Variants in ZSWIM6 observed in about 807,000 individuals in gnomAD.
ZSWIM6 encodes the protein zinc finger SWIM-type containing 6.
A neutral mutation model predicts 113.2 loss-of-function variants in ZSWIM6; 9 were observed. That is an observed-to-expected ratio of 0.08 (90% CI 0.05 to 0.14). The LOEUF (loss-of-function observed/expected upper bound fraction) is 0.14. Among genes scored for constraint, ZSWIM6 ranks in the 10% least tolerant of loss-of-function variants. The pLI is 1.00. For synonymous variants in ZSWIM6, 611 were observed against 606.5 expected, an observed-to-expected ratio of 1.01 and a Z score of -0.11; for missense variants, 1,162 against 1,552.2, an observed-to-expected ratio of 0.75 and a Z score of 4.22.
intron 1 of ZSWIM6, among the ~76,000 whole-genome samples, chr5:61,418,512 G>A (rs1162736985): frequency 2.0e-5 from 3 of 152,032 alleles, no homozygotes; most frequent in African/African-American, 7.2e-5. Context: ...ACCAGCCTCG[G>A]CCTCCCAAAG....
chr5:61,364,410 A>C (rs1184961967), intron 1 of ZSWIM6, among the ~76,000 whole-genome samples: 1 of 152,242 alleles, frequency 6.6e-6, no homozygotes, highest in African/African-American at 2.4e-5. Context: ...GCAAACTAAG[A>C]ATGTTTTTTA....
intron 9 of ZSWIM6, among the ~76,000 whole-genome samples, chr5:61,533,688 T>G (rs976651374): frequency 1.3e-5 from 2 of 152,132 alleles, no homozygotes; most frequent in Non-Finnish European, 2.9e-5. Flanking sequence ...GGGGAAACAG[T>G]GAAAGAAAAT....
At chr5:61,339,990 T>C (rs1032593213) in intron 1 of ZSWIM6, among the ~76,000 whole-genome samples, 2 of 152,212 alleles carry the variant, frequency 1.3e-5, no homozygotes, top group East Asian at 3.8e-4. Flanking sequence ...AAGAGACGTT[T>C]TGTTTGTCAA....
chr5:61,418,394 AG>A (rs1213171348), intron 1 of ZSWIM6, among the ~76,000 whole-genome samples: 1 of 151,926 alleles, frequency 6.6e-6, no homozygotes, highest in East Asian at 1.9e-4. Flanking sequence ...CAGCGTCCGA[AG>A]TAGTTGGGAT....
intron 9 of ZSWIM6, among the ~76,000 whole-genome samples, chr5:61,535,019 C>G (rs144724422): frequency 1.0e-3 from 158 of 152,286 alleles, no homozygotes; most frequent in African/African-American, 3.6e-3. Flanking sequence ...ACCCCTGATA[C>G]AGAGCACCAT....
At chr5:61,449,184 A>G (rs181387573) in intron 1 of ZSWIM6, among the ~76,000 whole-genome samples, 2 of 152,318 alleles carry the variant, frequency 1.3e-5, no homozygotes, top group Non-Finnish European at 2.9e-5. Context: ...CCACTATTTT[A>G]TAATTACATT....
chr5:61,478,117 A>G (rs1274639756), intron 2 of ZSWIM6, among the ~76,000 whole-genome samples: 1 of 152,176 alleles, frequency 6.6e-6, no homozygotes, highest in Non-Finnish European at 1.5e-5. Context: ...TTTCTATTGT[A>G]TAATAGAACA....
At chr5:61,404,046 C>T (rs895592929) in intron 1 of ZSWIM6, among the ~76,000 whole-genome samples, 7 of 151,416 alleles carry the variant, frequency 4.6e-5, no homozygotes, top group East Asian at 3.9e-4. Flanking sequence ...CTCGCTCTGC[C>T]GCCCAGGCTG....
chr5:61,335,701 C>CT (rs775617368), intron 1 of ZSWIM6, among the ~76,000 whole-genome samples: 1 of 152,118 alleles, frequency 6.6e-6, no homozygotes, highest in Non-Finnish European at 1.5e-5. Flanking sequence ...GTAGAGATGA[C>CT]TAAATTATAG....
At chr5:61,440,559 A>G (rs531458599) in intron 1 of ZSWIM6, among the ~76,000 whole-genome samples, 4 of 152,300 alleles carry the variant, frequency 2.6e-5, no homozygotes, top group East Asian at 3.9e-4. Context: ...CATTTAACTT[A>G]CTTCTTGGCC....
At position 61,431,564 on chromosome 5, in the gene ZSWIM6, T is replaced by C. The variant is rs185478674; in HGVS notation, c.677-41117T>C. Among the ~76,000 whole-genome samples the C allele has an allele frequency of 2.2e-3, 334 of 150,856 alleles. 1 individual carries two copies. The highest frequency in any genetic ancestry group is 7.5e-3 in the African/African-American group (306 of 41,054). On this transcript the variant is annotated intron_variant, in intron 1 of 13. Coordinates refer to ENST00000252744, the MANE Select transcript of ZSWIM6 (RefSeq NM_020928.2). Reference sequence around the variant, plus strand: ...ATAGAGACCATCCTGGCTAATGCGGTGAAACACTGTCTCTACTAAAAATAA... The same window carrying C: ...ATAGAGACCATCCTGGCTAATGCGGCGAAACACTGTCTCTACTAAAAATAA...
At chr5:61,433,193 A>G (rs1390101721) in intron 1 of ZSWIM6, among the ~76,000 whole-genome samples, 1 of 152,218 alleles carries the variant, frequency 6.6e-6, no homozygotes, top group Non-Finnish European at 1.5e-5. Flanking sequence ...TTGGCTTACT[A>G]CCTTTCATTC....
chr5:61,335,423 C>T (rs1579936548), intron 1 of ZSWIM6, among the ~76,000 whole-genome samples: 1 of 152,206 alleles, frequency 6.6e-6, no homozygotes, highest in African/African-American at 2.4e-5. Context: ...AGAGATAGAA[C>T]ACTTATGATC....
intron 4 of ZSWIM6, among the ~76,000 whole-genome samples, chr5:61,506,983 G>A (rs1748639542): frequency 6.6e-6 from 1 of 152,144 alleles, no homozygotes; most frequent in Admixed American, 6.6e-5. Context: ...AACTTTCCCT[G>A]TAATAACCTT....
intron 1 of ZSWIM6, among the ~76,000 whole-genome samples, chr5:61,454,214 A>AATTTTGTTTT (rs1554035871): frequency 1.6e-4 from 21 of 128,500 alleles, no homozygotes; most frequent in African/African-American, 6.2e-4. Context: ...GAGTTCCCTA[A>AATTTTGTTTT]ATTTTATTTT....
At chr5:61,521,002 A>G (rs776073684) in intron 4 of ZSWIM6, among the ~76,000 whole-genome samples, 109 of 152,180 alleles carry the variant, frequency 7.2e-4, no homozygotes, top group Non-Finnish European at 1.3e-3. Flanking sequence ...CTTTGGATCT[A>G]TTGTCCTCCT....
At chr5:61,459,192 CATAAG>C (rs1201676984) in intron 1 of ZSWIM6, among the ~76,000 whole-genome samples, 6 of 152,092 alleles carry the variant, frequency 3.9e-5, no homozygotes, top group Non-Finnish European at 7.4e-5. Flanking sequence ...AGTTTAGCAA[CATAAG>C]ATAATCATTT....
rs972959534 is a variant in ZSWIM6 at position 61,472,745 on chromosome 5, C to T, written c.741C>T (p.Asn247=). Residue 247 remains asparagine (N), a synonymous_variant, in exon 2 of 14, where the codon AAC becomes AAT. Transcript: ENST00000252744. The surrounding 1 kb of genome is among the most constrained non-coding windows in gnomAD (Gnocchi z 4.1). ...AIQSEPETVC[N]VAISFDRCKI... ...AATCGGAGCCAGAAACTGTTTGCAA[C>T]GTGGCCATCAGCTTTGATCGTTGCA... is the stretch of plus-strand genomic sequence containing the variant. The T allele has an allele frequency of 4.5e-6, 7 of 1,550,790 alleles. No individual in the cohort carries two copies. The highest frequency in any genetic ancestry group is 4.1e-5 in the African/African-American group (3 of 73,014).
intron 1 of ZSWIM6, among the ~76,000 whole-genome samples, chr5:61,387,672 C>T (rs971558594): frequency 4.6e-5 from 7 of 150,956 alleles, no homozygotes; most frequent in African/African-American, 1.2e-4. Context: ...TTTGGGAGGC[C>T]GAGGCGGGCA....
Sources: gnomAD v4.1 joint callset for allele counts (sites outside exome capture counted in the v4.1 genomes callset) on GRCh38, gnomAD v4.1.1 for gene constraint, Gnocchi (gnomAD v3.1) non-coding constraint, MANE v1.5 for transcripts, NCBI Gene and HGNC (gene_info 2026-07-23, HGNC 2026-07-21) for gene names.